Variants in PLCG1 observed in about 807,000 individuals in gnomAD.
PLCG1 encodes phospholipase C gamma 1.
PLCG1 carries 71 observed loss-of-function variants against 177.8 expected under a neutral mutation model. The observed-to-expected ratio is 0.40, with a 90% confidence interval of 0.33 to 0.49. The LOEUF is 0.49. Among genes scored for constraint, PLCG1 ranks in the 20% least tolerant of loss-of-function variants. The probability of loss-of-function intolerance (pLI) is 0.72; values close to 1 mark genes in which losing one functional copy is unlikely to be tolerated. For missense variants in PLCG1, 1,281 were observed against 1,709.0 expected (o/e 0.75, Z 4.42); for synonymous variants, 658 against 647.9 (o/e 1.02, Z -0.24).
chr20:41,160,188 T>C lies in PLCG1; in HGVS notation c.512+35T>C. 6.3e-7 allele frequency: 1 copy of C among 1,592,566 alleles called. No individual in the cohort carries two copies. The highest frequency in any genetic ancestry group is 8.6e-7 in the Non-Finnish European group (1 of 1,160,890). ...GAGCTGTGGCTGTAGCCCAGCAGGG[T>C]GGGGATGGGCATCCAGAACCTTAGC... On this transcript the variant is annotated intron_variant, in intron 4 of 31. Transcript: ENST00000685551. The surrounding 1 kb of genome is among the most constrained non-coding windows in gnomAD (Gnocchi z 5.5).
At position 41,167,699 on chromosome 20, in the gene PLCG1, TCTGAAGCCGTCTCTA is replaced by T. The variant is rs1215060404; in HGVS notation, c.2302-148_2302-134del. 3.2e-6 allele frequency: 2 copies of T among 630,324 alleles called. No individual in the cohort carries two copies. The highest frequency in any genetic ancestry group is 5.7e-6 in the Non-Finnish European group (2 of 349,602). 39.0% of individuals were successfully genotyped at this position (630,324 alleles called of 1,614,324 possible). On this transcript the variant is annotated intron_variant, in intron 19 of 31. Coordinates refer to ENST00000685551, the MANE Select transcript of PLCG1 (RefSeq NM_002660.3). This position sits in a 1 kb window ranked among gnomAD's most constrained non-coding sequence, Gnocchi z 4.4. ...GAACAGTGAGGCCGGGCCTGAGGCC[TCTGAAGCCGTCTCTA>T]CTGAGGTCGAAGGATCCCTGTGGAT...
chr20:41,161,030 G>A (rs1431344106), intron 4 of PLCG1, among the ~76,000 whole-genome samples: 1 of 152,048 alleles, frequency 6.6e-6, no homozygotes, highest in East Asian at 1.9e-4. Context: ...ACACAGTAGG[G>A]GCTACAGATT....
rs920225611 is a variant in PLCG1, at chr20:41,156,102, T to TA, written c.218-3503dup. Among the ~76,000 whole-genome samples the TA allele has an allele frequency of 3.3e-5, 5 of 152,204 alleles. No homozygotes were observed. The highest frequency in any genetic ancestry group is 2.6e-4 in the Admixed American group (4 of 15,284). Reference sequence around the variant, plus strand: ...CTCAGTCCTCAGAGCTGACATGTGATATACAGTCCAGGCACAGGTGTGTGT... The same window carrying TA: ...CTCAGTCCTCAGAGCTGACATGTGATAATACAGTCCAGGCACAGGTGTGTGT... On this transcript the variant is annotated intron_variant, in intron 1 of 31. Coordinates refer to ENST00000685551, the MANE Select transcript of PLCG1 (RefSeq NM_002660.3). This position sits in a 1 kb window ranked among gnomAD's most constrained non-coding sequence, Gnocchi z 5.0.
At chr20:41,143,953 A>G (rs1018879895) in intron 1 of PLCG1, among the ~76,000 whole-genome samples, 10 of 152,114 alleles carry the variant, frequency 6.6e-5, no homozygotes, top group African/African-American at 2.4e-4. Flanking sequence ...AATCTTTTCC[A>G]CCACTAAGCT....
chr20:41,169,036 T>C (rs2035802965), intron 21 of PLCG1, 43 bp from the exon 22 acceptor site: 1 of 1,474,652 alleles, frequency 6.8e-7, no homozygotes, highest in Non-Finnish European at 9.5e-7. Flanking sequence ...CTCATGGGAG[T>C]TCGGGGTGGT....
In PLCG1 at chr20:41,173,884, T is replaced by A. The variant is rs1421738560; in HGVS notation, c.3557-39T>A. 1.2e-6 allele frequency: 2 copies of A among 1,609,578 alleles called. No homozygotes were observed. Among genetic ancestry groups the A allele is most frequent in the East Asian group, 2.2e-5 (1 of 44,854 alleles). On this transcript the variant is annotated intron_variant, in intron 29 of 31. Coordinates refer to ENST00000685551, the MANE Select transcript of PLCG1 (RefSeq NM_002660.3). The surrounding 1 kb of genome is among the most constrained non-coding windows in gnomAD (Gnocchi z 6.2). ...GGGTGGGGCTGGGCCCCTTGCTCTG[T>A]CCCTCGTGGGCTGAGGGCCAGGCTT...
chr20:41,167,762 G>A lies in PLCG1; in HGVS notation c.2302-90G>A, dbSNP rs1418865301. The A allele has an allele frequency of 4.4e-6, 4 of 915,392 alleles. No individual in the cohort carries two copies. The highest frequency in any genetic ancestry group is 7.2e-6 in the Non-Finnish European group (4 of 559,126). The allele number at this position is 915,392 out of a possible 1,614,324, so 56.7% of individuals were successfully genotyped here. On this transcript the variant is annotated intron_variant, in intron 19 of 31. Transcript: ENST00000685551. The surrounding 1 kb of genome is among the most constrained non-coding windows in gnomAD (Gnocchi z 4.4). Reference sequence around the variant, plus strand: ...GATCAGGTGCAAGTTTGCTGCACTGGGGGAAAGGGAAGCTGCTCCAGAAAC... The same window carrying A: ...GATCAGGTGCAAGTTTGCTGCACTGAGGGAAAGGGAAGCTGCTCCAGAAAC...
At position 41,164,354 on chromosome 20, in the gene PLCG1, T is replaced by C. The variant is rs1041358809; in HGVS notation, c.1217+153T>C. Among the ~76,000 whole-genome samples the C allele has an allele frequency of 6.6e-6, 1 of 151,978 alleles. No homozygotes were observed. Among genetic ancestry groups the C allele is most frequent in the Non-Finnish European group, 1.5e-5 (1 of 68,008 alleles). On this transcript the variant is annotated intron_variant, in intron 12 of 31. Transcript: ENST00000685551. The surrounding 1 kb of genome is among the most constrained non-coding windows in gnomAD (Gnocchi z 6.4). ...CTCTTGGCCTCTCCTCGTCACCTGC[T>C]CCCTGCTTGAGCTGTTGCTTCCCAA...
intron 1 of PLCG1, among the ~76,000 whole-genome samples, chr20:41,140,938 T>G (rs928177998): frequency 3.9e-5 from 6 of 152,210 alleles, no homozygotes; most frequent in African/African-American, 1.4e-4. Flanking sequence ...AGAGGCTGAC[T>G]AGCAACCCCA....
At position 41,170,723 on chromosome 20, in the gene PLCG1, G is replaced by C. The variant is rs537428756; in HGVS notation, c.2808+454G>C. On this transcript the variant is annotated intron_variant, in intron 24 of 31. Transcript: ENST00000685551. Reference sequence around the variant, plus strand: ...GACTGCAGGCCACTGGTGAGGGAGAGGGTCTGCTGTGTTGAGAGCTACAGA... The same window carrying C: ...GACTGCAGGCCACTGGTGAGGGAGACGGTCTGCTGTGTTGAGAGCTACAGA... The C allele has an allele frequency of 4.2e-4, 67 of 160,990 alleles. 2 individuals carry two copies. The South Asian group carries it at 0.012, about 29-fold the overall frequency. The allele number at this position is 160,990 out of a possible 1,614,324, so 10.0% of individuals were successfully genotyped here.
rs1256224064 is a variant in PLCG1 at position 41,165,104 on chromosome 20, G to A, written c.1386+3G>A. 1.2e-6 allele frequency: 2 copies of A among 1,611,122 alleles called. No homozygotes were observed. Among genetic ancestry groups the A allele is most frequent in the East Asian group, 2.2e-5 (1 of 44,818 alleles). On this transcript the variant is annotated splice_donor_region_variant and intron_variant, in intron 13 of 31. Transcript: ENST00000685551. The surrounding 1 kb of genome is among the most constrained non-coding windows in gnomAD (Gnocchi z 6.6). ...TTAAGAGGAAGATCCTCATCAAGGT[G>A]GGGTGGCGGGCTTATTGCGGAAGCC...
In PLCG1 at chr20:41,157,136, C is replaced by G. The variant is rs1302432157; in HGVS notation, c.218-2470C>G. Among the ~76,000 whole-genome samples, 1 of 152,084 alleles carries G rather than the reference C, an allele frequency of 6.6e-6. No individual in the cohort carries two copies. Among genetic ancestry groups the G allele is most frequent in the African/African-American group, 2.4e-5 (1 of 41,378 alleles). ...TGCGCTATGCTTACCTGGTTCCTAT[C>G]TCAGGCACCTGTTCTGCCTTCAACT... On this transcript the variant is annotated intron_variant, in intron 1 of 31. Transcript: ENST00000685551. This position sits in a 1 kb window ranked among gnomAD's most constrained non-coding sequence, Gnocchi z 5.4.
intron 22 of PLCG1, 59 bp downstream of exon 22, chr20:41,169,234 C>A: frequency 1.6e-6 from 2 of 1,279,678 alleles, no homozygotes; most frequent in Non-Finnish European, 1.1e-6. Flanking sequence ...CCTTGGCATG[C>A]CCCCATCACA....
Position 41,167,799 on chromosome 20 carries a change from T to G in PLCG1, c.2302-53T>G. ...GCTGCTCCAGAAACCAGTAGCTGCTTTCTACCTCTGGGCTCTGGGGCATTA... is the reference window on the plus strand; with the variant it reads ...GCTGCTCCAGAAACCAGTAGCTGCTGTCTACCTCTGGGCTCTGGGGCATTA... On this transcript the variant is annotated intron_variant, in intron 19 of 31. Coordinates refer to ENST00000685551, the MANE Select transcript of PLCG1 (RefSeq NM_002660.3). This position sits in a 1 kb window ranked among gnomAD's most constrained non-coding sequence, Gnocchi z 4.4. The G allele has an allele frequency of 7.5e-7, 1 of 1,327,766 alleles. No homozygotes were observed. The highest frequency in any genetic ancestry group is 1.1e-6 in the Non-Finnish European group (1 of 920,802). The allele number at this position is 1,327,766 out of a possible 1,614,324, so 82.2% of individuals were successfully genotyped here. A position where few individuals can be genotyped will look rare whatever the true frequency, so the allele number is the denominator to read the frequency against.
intron 1 of PLCG1, among the ~76,000 whole-genome samples, chr20:41,139,044 A>AG (rs541502201): frequency 3.3e-4 from 50 of 152,210 alleles, no homozygotes; most frequent in Admixed American, 1.2e-3. Context: ...TGACACCCCA[A>AG]GGGGGGGTCC....
Position 41,160,606 on chromosome 20 carries a change from G to C in PLCG1, c.512+453G>C, listed in dbSNP as rs549133702. Among the ~76,000 whole-genome samples the C allele has an allele frequency of 6.6e-6, 1 of 152,328 alleles. No individual in the cohort carries two copies. Among genetic ancestry groups the C allele is most frequent in the South Asian group, 2.1e-4 (1 of 4,830 alleles). ...GGAAGCCATGGAAGGGTTCTGAGGA[G>C]AGGAGTGATGTGACCTGACTTGGGT... On this transcript the variant is annotated intron_variant, in intron 4 of 31. Coordinates refer to ENST00000685551, the MANE Select transcript of PLCG1 (RefSeq NM_002660.3). The surrounding 1 kb of genome is among the most constrained non-coding windows in gnomAD (Gnocchi z 5.5).
In PLCG1 at chr20:41,166,527, C is replaced by T. The variant is rs377147698; in HGVS notation, c.2052C>T (p.Arg684=). ...TRAQAEHMLM[R]VPRDGAFLVR... The stretch of plus-strand genomic sequence containing the variant: ...CACAGGCTGAGCACATGCTAATGCG[C>T]GTCCCTCGTGATGGGGCCTTCCTGG... The change falls in exon 18 of 32, where the codon CGC becomes CGT. Residue 684 remains arginine (R), a synonymous_variant. Transcript: ENST00000685551. The surrounding 1 kb of genome is among the most constrained non-coding windows in gnomAD (Gnocchi z 8.6). 28 of 1,614,000 alleles carry T rather than the reference C, an allele frequency of 1.7e-5. No homozygotes were observed. The highest frequency in any genetic ancestry group is 9.3e-5 in the African/African-American group (7 of 74,920).
At position 41,165,780 on chromosome 20, in the gene PLCG1, G is replaced by C; in HGVS notation, c.1753G>C (p.Val585Leu). The C allele has an allele frequency of 6.2e-7, 1 of 1,604,044 alleles. No homozygotes were observed. The highest frequency in any genetic ancestry group is 8.5e-7 in the Non-Finnish European group (1 of 1,172,988). ...ETGAPDGSFL[V>L]RESETFVGDY... ...CGGAGCCCCTGACGGCTCCTTCCTC[G>C]TGCGAGAGAGTGAGACCTTCGTGGG... The change falls in exon 16 of 32, where the codon GTG (valine) becomes CTG (leucine). Residue 585 changes from valine (V) to leucine (L), a missense_variant. By Grantham distance (32) the Val-to-Leu change is conservative (BLOSUM62 1). Coordinates refer to ENST00000685551, the MANE Select transcript of PLCG1 (RefSeq NM_002660.3). This position sits in a 1 kb window ranked among gnomAD's most constrained non-coding sequence, Gnocchi z 6.6.
chr20:41,149,136 C>T (rs2035086985), intron 1 of PLCG1, among the ~76,000 whole-genome samples: 1 of 152,236 alleles, frequency 6.6e-6, no homozygotes, highest in South Asian at 2.1e-4. Flanking sequence ...CTCATCGTCT[C>T]TTCCCACCCA....
Sources: allele counts gnomAD v4.1 joint callset (sites outside exome capture counted in the v4.1 genomes callset), GRCh38; gene constraint gnomAD v4.1.1; non-coding constraint Gnocchi (gnomAD v3.1); transcripts MANE v1.5; gene names NCBI Gene and HGNC (gene_info 2026-07-23, HGNC 2026-07-21).